The following RBFOX1 variants were observed in gnomAD, a reference collection of about 807,000 sequenced individuals.
RBFOX1 encodes RNA binding protein fox-1 homolog 1.
Under a neutral mutation model 57.7 loss-of-function variants are expected in RBFOX1, and 8 were observed. The ratio of observed to expected loss-of-function variants is 0.14; its 90% CI spans 0.08 to 0.25. RBFOX1 has a LOEUF of 0.25. RBFOX1 is among the 10% of genes least tolerant of loss of function. The pLI is 1.00. For synonymous variants in RBFOX1, 326 were observed against 222.4 expected (o/e 1.47, Z -4.15); for missense variants, 611 against 548.5 (o/e 1.11, Z -1.14).
At chr16:6,398,206 G>C (rs73532400) in intron 2 of RBFOX1, among the ~76,000 whole-genome samples, 1 of 152,086 alleles carries the variant, frequency 6.6e-6, no homozygotes, top group African/African-American at 2.4e-5. Context: ...CCGCCCCCAT[G>C]GTTCAATTAC....
intron 1 of RBFOX1, among the ~76,000 whole-genome samples, chr16:5,269,438 A>G (rs1285822644): frequency 6.6e-6 from 1 of 152,234 alleles, no homozygotes; most frequent in African/African-American, 2.4e-5. Context: ...CATTAGCATC[A>G]CTCCTAATAA....
intron 3 of RBFOX1, among the ~76,000 whole-genome samples, chr16:6,927,242 A>C (rs1054471454): frequency 6.6e-6 from 1 of 151,346 alleles, no homozygotes; most frequent in Non-Finnish European, 1.5e-5. Context: ...GCCAGTTCCC[A>C]TCTCTACTAA....
chr16:5,993,756 C>T (rs1290268930), intron 4 of RBFOX1, among the ~76,000 whole-genome samples: 1 of 152,144 alleles, frequency 6.6e-6, no homozygotes, highest in Non-Finnish European at 1.5e-5. Context: ...CTGCATTTTC[C>T]TGAGCAGTGC....
At chr16:7,062,892 CATTTTTTTTTTTTTT>C (rs368574005) in intron 4 of RBFOX1, among the ~76,000 whole-genome samples, 1,617 of 59,918 alleles carry the variant, frequency 0.027, 115 homozygotes, top group African/African-American at 0.083. Flanking sequence ...AAATGATCGC[CATTTTTTTTTTTTTT>C]TTTTTTTTTT....
At chr16:6,943,995 G>C (rs2079021099) in intron 3 of RBFOX1, among the ~76,000 whole-genome samples, 4 of 152,074 alleles carry the variant, frequency 2.6e-5, no homozygotes, top group African/African-American at 9.7e-5. Flanking sequence ...ACTGTTCATT[G>C]CTCAAACTCC....
intron 2 of RBFOX1, among the ~76,000 whole-genome samples, chr16:6,569,925 A>G (rs2097321717): frequency 6.6e-6 from 1 of 152,178 alleles, no homozygotes; most frequent in Non-Finnish European, 1.5e-5. Flanking sequence ...TGTACAATTC[A>G]CTTGTCCTCA....
chr16:7,195,149 T>G (rs2086385499), intron 4 of RBFOX1, among the ~76,000 whole-genome samples: 1 of 152,192 alleles, frequency 6.6e-6, no homozygotes. Context: ...TTGTGCCTCA[T>G]ATTGCATTTC....
intron 4 of RBFOX1, among the ~76,000 whole-genome samples, chr16:7,262,960 A>G (rs569685976): frequency 5.0e-4 from 76 of 152,176 alleles, no homozygotes; most frequent in African/African-American, 1.8e-3. Context: ...AATTTCTGGG[A>G]CCTCCACTTA....
chr16:6,743,381 G>C (rs1306560219), intron 3 of RBFOX1, among the ~76,000 whole-genome samples: 1 of 152,104 alleles, frequency 6.6e-6, no homozygotes, highest in East Asian at 1.9e-4. Context: ...GAGATTGTCA[G>C]ACTTAATAAA....
intron 3 of RBFOX1, among the ~76,000 whole-genome samples, chr16:7,030,276 C>G (rs753751871): frequency 6.6e-6 from 1 of 152,074 alleles, no homozygotes; most frequent in African/African-American, 2.4e-5. Flanking sequence ...TTAATGGAGT[C>G]AGGACTTTCA....
chr16:5,883,996 G>C (rs1169105565), intron 4 of RBFOX1, among the ~76,000 whole-genome samples: 1 of 152,120 alleles, frequency 6.6e-6, no homozygotes, highest in Non-Finnish European at 1.5e-5. Flanking sequence ...CCATTGACTT[G>C]GATGTGATTT....
At chr16:5,538,352 A>G (rs1449998283) in intron 2 of RBFOX1, among the ~76,000 whole-genome samples, 4 of 152,202 alleles carry the variant, frequency 2.6e-5, no homozygotes, top group Admixed American at 6.5e-5. Flanking sequence ...GGCTTTCTAA[A>G]AGAAAATATT....
chr16:7,270,418 A>C (rs1012027471), intron 4 of RBFOX1, among the ~76,000 whole-genome samples: 1 of 152,224 alleles, frequency 6.6e-6, no homozygotes, highest in African/African-American at 2.4e-5. Context: ...TCTAACAATG[A>C]TAAAGGAAGA....
At chr16:5,610,621 C>T (rs924602012) in intron 3 of RBFOX1, 1 of 151,924 alleles carries the variant, frequency 6.6e-6, no homozygotes, top group Non-Finnish European at 1.5e-5. Flanking sequence ...GGCAGGAGGT[C>T]AGTTCAGGCC....
At chr16:7,146,876 G>C (rs1210238218) in intron 4 of RBFOX1, among the ~76,000 whole-genome samples, 1 of 149,196 alleles carries the variant, frequency 6.7e-6, no homozygotes, top group Admixed American at 6.7e-5. Context: ...TCTGAACCAG[G>C]AGGTCGAGGT....
intron 4 of RBFOX1, among the ~76,000 whole-genome samples, chr16:5,960,794 C>CT (rs2152287704): frequency 6.6e-6 from 1 of 152,286 alleles, no homozygotes; most frequent in South Asian, 2.1e-4. Flanking sequence ...TAATCAGCCC[C>CT]TTTTATGCAG....
intron 1 of RBFOX1, among the ~76,000 whole-genome samples, chr16:6,195,552 TACTAAAAATAC>T (rs2152819019): frequency 6.6e-6 from 1 of 152,146 alleles, no homozygotes; most frequent in South Asian, 2.1e-4. Context: ...ACCCCATGTC[TACTAAAAATAC>T]AAAAAATTAG....
At chr16:6,490,040 A>T (rs1474442753) in intron 2 of RBFOX1, among the ~76,000 whole-genome samples, 1 of 152,176 alleles carries the variant, frequency 6.6e-6, no homozygotes, top group Non-Finnish European at 1.5e-5. Context: ...CAGGTGGGTG[A>T]TGGTGGATGT....
intron 2 of RBFOX1, among the ~76,000 whole-genome samples, chr16:5,499,300 G>A (rs755546023): frequency 6.6e-6 from 1 of 152,246 alleles, no homozygotes; most frequent in East Asian, 1.9e-4. Context: ...TAGTGTGGCT[G>A]GTCAGCCTGT....
Sources: gnomAD v4.1 joint callset for allele counts (sites outside exome capture counted in the v4.1 genomes callset) on GRCh38, gnomAD v4.1.1 for gene constraint, MANE v1.5 for transcripts, NCBI Gene and HGNC (gene_info 2026-07-23, HGNC 2026-07-21) for gene names.